Variants in ARMH3 observed in about 807,000 individuals in gnomAD.
The protein encoded by ARMH3 is armadillo-like helical domain-containing protein 3.
A neutral mutation model predicts 99.1 loss-of-function variants in ARMH3; 60 were observed. That is an observed-to-expected ratio of 0.61 (90% confidence interval 0.49 to 0.75). The LOEUF (loss-of-function observed/expected upper bound fraction) is 0.75, where lower values mean the gene tolerates loss of function less well. Among genes scored for constraint, ARMH3 ranks in the 30% least tolerant of loss-of-function variants. The pLI, the probability that ARMH3 is intolerant of heterozygous loss-of-function variation, is 0.00. For missense variants in ARMH3, 679 were observed against 843.1 expected, an observed-to-expected ratio of 0.81 and a Z score of 2.41; for synonymous variants, 285 against 292.8, an observed-to-expected ratio of 0.97 and a Z score of 0.27.
intron 23 of ARMH3, among the ~76,000 whole-genome samples, chr10:101,900,891 T>C (rs938999609): frequency 6.6e-6 from 1 of 151,960 alleles, no homozygotes; most frequent in Non-Finnish European, 1.5e-5. Flanking sequence ...GGATGAGGCA[T>C]GAGAATTGCT....
intron 24 of ARMH3, among the ~76,000 whole-genome samples, chr10:101,853,301 T>C (rs1337601100): frequency 6.6e-6 from 1 of 152,142 alleles, no homozygotes; most frequent in African/African-American, 2.4e-5. Context: ...CACTTTTCTT[T>C]TACTCACAAA....
At chr10:101,876,303 A>G (rs1245489398) in intron 24 of ARMH3, among the ~76,000 whole-genome samples, 2 of 149,146 alleles carry the variant, frequency 1.3e-5, no homozygotes, top group Non-Finnish European at 3.0e-5. Flanking sequence ...CATGCAGGGC[A>G]CTCTCCCTAG....
chr10:101,966,074 CA>C (rs1373728158), intron 20 of ARMH3, among the ~76,000 whole-genome samples: 10 of 150,418 alleles, frequency 6.6e-5, no homozygotes, highest in African/African-American at 2.4e-4. Flanking sequence ...TAGAAGCAGA[CA>C]ATCTAATTTT....
At chr10:101,877,709 T>TC (rs1429708586) in intron 24 of ARMH3, among the ~76,000 whole-genome samples, 1 of 151,994 alleles carries the variant, frequency 6.6e-6, no homozygotes, top group African/African-American at 2.4e-5. Context: ...TCCTACTACC[T>TC]CCATCACTGT....
At chr10:101,917,351 A>C (rs1843129480) in intron 23 of ARMH3, among the ~76,000 whole-genome samples, 1 of 152,246 alleles carries the variant, frequency 6.6e-6, no homozygotes, top group African/African-American at 2.4e-5. Flanking sequence ...GGAATCATAC[A>C]GCATGTAACC....
At chr10:101,863,605 C>A (rs543057739) in intron 24 of ARMH3, among the ~76,000 whole-genome samples, 2 of 152,128 alleles carry the variant, frequency 1.3e-5, no homozygotes, top group Admixed American at 6.5e-5. Context: ...TTTGAAAAAT[C>A]TCGCAAATTG....
chr10:101,855,260 G>A (rs890735475), intron 24 of ARMH3, among the ~76,000 whole-genome samples: 3 of 145,710 alleles, frequency 2.1e-5, no homozygotes, highest in Admixed American at 1.4e-4. Flanking sequence ...TAGAGATAGG[G>A]TTTTACCATG....
chr10:101,929,848 A>G (rs1843648892), intron 23 of ARMH3, among the ~76,000 whole-genome samples: 1 of 152,214 alleles, frequency 6.6e-6, no homozygotes, highest in African/African-American at 2.4e-5. Context: ...CATAGGCTGA[A>G]TATCCCTTAT....
chr10:101,924,364 C>CTT (rs1256731819), intron 23 of ARMH3, among the ~76,000 whole-genome samples: 15 of 138,952 alleles, frequency 1.1e-4, no homozygotes, highest in South Asian at 2.3e-4. Flanking sequence ...TTCTGCATTG[C>CTT]TTTTTTTTTT....
At chr10:101,966,312 T>TG (rs1845542874) in intron 20 of ARMH3, among the ~76,000 whole-genome samples, 1 of 136,346 alleles carries the variant, frequency 7.3e-6, no homozygotes, top group Non-Finnish European at 1.6e-5. Flanking sequence ...TTTTTTTTTT[T>TG]TTGAGACAGG....
At chr10:101,935,817 C>T (rs564697957) in intron 23 of ARMH3, among the ~76,000 whole-genome samples, 1 of 152,324 alleles carries the variant, frequency 6.6e-6, no homozygotes, top group South Asian at 2.1e-4. Flanking sequence ...GAAACAAATG[C>T]TGCACAACAT....
At chr10:102,055,474 T>C (rs2067822543) in intron 1 of ARMH3, among the ~76,000 whole-genome samples, 3 of 152,026 alleles carry the variant, frequency 2.0e-5, no homozygotes, top group Non-Finnish European at 1.5e-5. Flanking sequence ...GGACCAGGTT[T>C]CTCTCTACTT....
chr10:101,971,921 A>G (rs1268184728), intron 20 of ARMH3, among the ~76,000 whole-genome samples: 2 of 152,228 alleles, frequency 1.3e-5, no homozygotes, highest in African/African-American at 2.4e-5. Context: ...AACTTTCTAT[A>G]TGTGGTGAAA....
chr10:102,022,959 T>C (rs1382386406), intron 8 of ARMH3, among the ~76,000 whole-genome samples: 2 of 151,650 alleles, frequency 1.3e-5, no homozygotes, highest in Non-Finnish European at 1.5e-5. Flanking sequence ...GAGGCCAAGG[T>C]GGGCAGATCA....
intron 20 of ARMH3, among the ~76,000 whole-genome samples, chr10:101,961,169 C>CA (rs1845284108): frequency 6.6e-6 from 1 of 152,158 alleles, no homozygotes; most frequent in Non-Finnish European, 1.5e-5. Flanking sequence ...ACTGGCAACA[C>CA]AAAAAGACTC....
At chr10:101,994,613 C>T (rs1335794555) in intron 16 of ARMH3, among the ~76,000 whole-genome samples, 1 of 152,198 alleles carries the variant, frequency 6.6e-6, no homozygotes, top group East Asian at 1.9e-4. Flanking sequence ...GCCAAAGCAT[C>T]TCTTCTTTTT....
intron 24 of ARMH3, among the ~76,000 whole-genome samples, chr10:101,874,891 T>A (rs1459442932): frequency 2.6e-5 from 4 of 152,126 alleles, no homozygotes; most frequent in Non-Finnish European, 4.4e-5. Flanking sequence ...CTGTGAAGAC[T>A]CCGTTCATGT....
intron 18 of ARMH3, among the ~76,000 whole-genome samples, chr10:101,991,481 A>G (rs1170319688): frequency 6.6e-6 from 1 of 152,110 alleles, no homozygotes; most frequent in Non-Finnish European, 1.5e-5. Context: ...CCTGGGTTCA[A>G]GCGATTCTCC....
chr10:101,849,952 C>G, intron 24 of ARMH3, 60 bp from the exon 25 acceptor site: 3 of 1,464,172 alleles, frequency 2.0e-6, no homozygotes, highest in Non-Finnish European at 2.9e-6. Context: ...ACCCTGAGCC[C>G]CATTCTGCTG....
Sources: gnomAD v4.1 joint callset for allele counts (sites outside exome capture counted in the v4.1 genomes callset) on GRCh38, gnomAD v4.1.1 for gene constraint, MANE v1.5 for transcripts, NCBI Gene and HGNC (gene_info 2026-07-23, HGNC 2026-07-21) for gene names.